Variants in DHTKD1 observed in about 807,000 individuals in gnomAD.
DHTKD1 encodes the protein dehydrogenase E1 and transketolase domain containing 1.
Under a neutral mutation model 101.8 loss-of-function variants are expected in DHTKD1, and 78 were observed. That is an observed-to-expected ratio of 0.77 (90% confidence interval 0.64 to 0.93). The LOEUF (loss-of-function observed/expected upper bound fraction) is 0.93. Ranked by LOEUF, DHTKD1 falls within the 40% of genes least tolerant of loss-of-function variation. DHTKD1 has a pLI of 0.00. For synonymous variants in DHTKD1, 462 were observed against 450.3 expected, an observed-to-expected ratio of 1.03 and a Z score of -0.33; for missense variants, 1,223 against 1,161.7, an observed-to-expected ratio of 1.05 and a Z score of -0.77.
chr10:12,086,259 C>T (rs554975240), intron 3 of DHTKD1, among the ~76,000 whole-genome samples: 199 of 131,060 alleles, frequency 1.5e-3, no homozygotes, highest in Non-Finnish European at 2.5e-3. Flanking sequence ...TTCTCCCTGT[C>T]GCCCAGGCTG....
chr10:12,107,877 G>A lies in DHTKD1; in HGVS notation c.2048-32G>A. 6.9e-7 allele frequency: 1 copy of A among 1,458,042 alleles called. No individual in the cohort carries two copies. Among genetic ancestry groups the A allele is most frequent in the Non-Finnish European group, 9.6e-7 (1 of 1,040,736 alleles). 90.3% of individuals were successfully genotyped at this position (1,458,042 alleles called of 1,614,324 possible). Reference sequence around the variant, plus strand: ...CAGGCCACTTTGTCCCCGCTTCGTAGAGCTCTTACTCCCCACGTGGTACTT... The same window carrying A: ...CAGGCCACTTTGTCCCCGCTTCGTAAAGCTCTTACTCCCCACGTGGTACTT... On this transcript the variant is annotated intron_variant, in intron 11 of 16. Coordinates refer to ENST00000263035, the MANE Select transcript of DHTKD1 (RefSeq NM_018706.7). This position sits in a 1 kb window ranked among gnomAD's most constrained non-coding sequence, Gnocchi z 4.1.
At position 12,074,649 on chromosome 10, in the gene DHTKD1, C is replaced by T. The variant is rs981220273; in HGVS notation, c.154+5462C>T. Among the ~76,000 whole-genome samples, 16 of 57,106 alleles carry T rather than the reference C, an allele frequency of 2.8e-4. No homozygotes were observed. The East Asian group carries it at 3.6e-3, about 13-fold the overall frequency. The allele number at this position is 57,106 out of a possible 152,430, so 37.5% of individuals were successfully genotyped here. A position where few individuals can be genotyped will look rare whatever the true frequency, so the allele number is the denominator to read the frequency against. On this transcript the variant is annotated intron_variant, in intron 1 of 16. Transcript: ENST00000263035. ...CTGGGATTAGAGGCGTGAGCTACCG[C>T]GGGTCTTGCTATGTTGCCCCAGGCT...
Position 12,103,523 on chromosome 10 carries a change from GTGTGTA to G in DHTKD1, c.1896+2346_1896+2351del, listed in dbSNP as rs928079951. ...TGTGTGTGTGTGTGTGTGTGTGTGTGTGTGTATGTATGTGACAGGTCCTCCTCTGTT... is the reference window on the plus strand; with the variant it reads ...TGTGTGTGTGTGTGTGTGTGTGTGTGTGTATGTGACAGGTCCTCCTCTGTT... On this transcript the variant is annotated intron_variant, in intron 10 of 16. Coordinates refer to ENST00000263035, the MANE Select transcript of DHTKD1 (RefSeq NM_018706.7). This position sits in a 1 kb window ranked among gnomAD's most constrained non-coding sequence, Gnocchi z 4.8. Among the ~76,000 whole-genome samples, 4 of 150,208 alleles carry G rather than the reference GTGTGTA, an allele frequency of 2.7e-5. No individual in the cohort carries two copies. The highest frequency in any genetic ancestry group is 2.1e-4 in the South Asian group (1 of 4,792).
chr10:12,116,239 A>AAAATTATGTCGTGGCACCAGGCAAAAGGT (rs1287870625), intron 13 of DHTKD1: 1 of 150,536 alleles, frequency 6.6e-6, no homozygotes, highest in Non-Finnish European at 1.5e-5. Flanking sequence ...CCTGATTCTT[A>AAAATTATGTCGTGGCACCAGGCAAAAGGT]AAATTATGTC....
chr10:12,076,975 TAAAAAAA>T (rs61096299), intron 1 of DHTKD1, among the ~76,000 whole-genome samples: 10 of 61,838 alleles, frequency 1.6e-4, no homozygotes, highest in African/African-American at 3.9e-4. Context: ...CTGTTTCTGA[TAAAAAAA>T]AAAAAAAAAA....
rs901651754 is a variant in DHTKD1 at position 12,103,096 on chromosome 10, G to A, written c.1896+1915G>A. Among the ~76,000 whole-genome samples the A allele has an allele frequency of 6.6e-6, 1 of 152,032 alleles. No homozygotes were observed. Among genetic ancestry groups the A allele is most frequent in the Non-Finnish European group, 1.5e-5 (1 of 67,990 alleles). The stretch of plus-strand genomic sequence containing the variant: ...AAATTAGTCGGGCATGGTGGCACAC[G>A]CCTGTAATCCCAGCTACTCAGGAGG... On this transcript the variant is annotated intron_variant, in intron 10 of 16. Coordinates refer to ENST00000263035, the MANE Select transcript of DHTKD1 (RefSeq NM_018706.7). The surrounding 1 kb of genome is among the most constrained non-coding windows in gnomAD (Gnocchi z 4.8).
At chr10:12,093,767 C>T (rs77813085) in intron 6 of DHTKD1, among the ~76,000 whole-genome samples, 4,810 of 152,156 alleles carry the variant, frequency 0.032, 231 homozygotes, top group African/African-American at 0.11. Context: ...TACTATGTAC[C>T]AGGCACTGTT....
At chr10:12,100,510 G>A (rs183915037) in intron 9 of DHTKD1, among the ~76,000 whole-genome samples, 44 of 151,722 alleles carry the variant, frequency 2.9e-4, no homozygotes, top group Admixed American at 1.6e-3. Context: ...TGTTCCACCC[G>A]CCTCGGCCTC....
intron 12 of DHTKD1, among the ~76,000 whole-genome samples, chr10:12,109,509 G>A (rs1412064943): frequency 6.6e-6 from 1 of 151,252 alleles, no homozygotes; most frequent in African/African-American, 2.4e-5. Flanking sequence ...AGTCATCGAA[G>A]CAGCGAGCAC....
At chr10:12,069,353 C>T (rs1433411924) in intron 1 of DHTKD1, among the ~76,000 whole-genome samples, 166 bp downstream of exon 1, 1 of 152,078 alleles carries the variant, frequency 6.6e-6, no homozygotes, top group Non-Finnish European at 1.5e-5. Context: ...TGTGGGTGCT[C>T]AGTGTTGGGG....
intron 8 of DHTKD1, among the ~76,000 whole-genome samples, chr10:12,099,878 C>A (rs1221287866): frequency 2.0e-5 from 3 of 149,502 alleles, no homozygotes; most frequent in African/African-American, 7.5e-5. Flanking sequence ...CTCACTGCAA[C>A]CTCCGCCTCT....
intron 3 of DHTKD1, among the ~76,000 whole-genome samples, chr10:12,085,753 G>A (rs1486168239): frequency 6.6e-6 from 1 of 151,908 alleles, no homozygotes; most frequent in African/African-American, 2.4e-5. Context: ...CTGATGTGGT[G>A]GAGCATACCT....
chr10:12,092,580 G>T (rs1204637838), intron 6 of DHTKD1, among the ~76,000 whole-genome samples: 6 of 151,836 alleles, frequency 4.0e-5, no homozygotes, highest in African/African-American at 7.3e-5. Context: ...AAGGCAGGTG[G>T]ATCATCTGAG....
At chr10:12,090,761 A>G (rs1832978445) in intron 5 of DHTKD1, among the ~76,000 whole-genome samples, 1 of 152,112 alleles carries the variant, frequency 6.6e-6, no homozygotes, top group South Asian at 2.1e-4. Context: ...TGTAGATATT[A>G]CAGGTGTGAA....
intron 13 of DHTKD1, among the ~76,000 whole-genome samples, chr10:12,114,600 G>A (rs997763999): frequency 5.3e-5 from 8 of 151,192 alleles, no homozygotes; most frequent in Non-Finnish European, 7.4e-5. Context: ...CCGGCCGGGA[G>A]TATTACAGTT....
At chr10:12,088,437 C>T (rs1588607812) in intron 4 of DHTKD1, among the ~76,000 whole-genome samples, 1 of 151,548 alleles carries the variant, frequency 6.6e-6, no homozygotes, top group East Asian at 2.0e-4. Context: ...GTGCCACTGC[C>T]CTCCAGCCTG....
chr10:12,070,297 A>C (rs1038017084), intron 1 of DHTKD1, among the ~76,000 whole-genome samples: 5 of 152,206 alleles, frequency 3.3e-5, no homozygotes, highest in African/African-American at 1.2e-4. Flanking sequence ...ACGGAGTAGA[A>C]GATAAGTACA....
chr10:12,117,813 G>T, intron 14 of DHTKD1, 58 bp downstream of exon 14: 1 of 861,838 alleles, frequency 1.2e-6, no homozygotes, highest in East Asian at 2.7e-5. Context: ...AATGGGAAAA[G>T]TAGTTCACAT....
intron 10 of DHTKD1, among the ~76,000 whole-genome samples, chr10:12,105,600 C>T (rs1373388818): frequency 6.6e-6 from 1 of 152,152 alleles, no homozygotes; most frequent in African/African-American, 2.4e-5. Context: ...GGCCACCACG[C>T]CCGGCCACAG....
Sources: gnomAD v4.1 joint callset for allele counts (sites outside exome capture counted in the v4.1 genomes callset) on GRCh38, gnomAD v4.1.1 for gene constraint, Gnocchi (gnomAD v3.1) non-coding constraint, MANE v1.5 for transcripts, NCBI Gene and HGNC (gene_info 2026-07-23, HGNC 2026-07-21) for gene names.